ITPR1: variants seen among roughly 807,000 people sequenced by gnomAD.
ITPR1 encodes the protein inositol 1,4,5-trisphosphate receptor type 1, also known as inositol 1,4,5-trisphosphate-gated calcium channel ITPR1.
Under a neutral mutation model 318.4 loss-of-function variants are expected in ITPR1, and 96 were observed. The observed-to-expected ratio is 0.30, with a 90% CI of 0.26 to 0.36. ITPR1 has a LOEUF of 0.36. Ranked by LOEUF, ITPR1 falls within the 10% of genes least tolerant of loss-of-function variation. ITPR1 has a pLI of 1.00. For missense variants in ITPR1, 2,440 were observed against 3,460.2 expected (o/e 0.71, Z 7.40); for synonymous variants, 1,312 against 1,289.9 (o/e 1.02, Z -0.37).
At chr3:4,846,058 A>C (rs1174401513) in intron 61 of ITPR1, 81 bp from the exon 62 acceptor site, 1 of 779,146 alleles carries the variant, frequency 1.3e-6, no homozygotes, top group Admixed American at 2.8e-5. Flanking sequence ...CCATAACCAC[A>C]GAGGTAAATC....
At chr3:4,633,628 T>A (rs928629647) in intron 5 of ITPR1, among the ~76,000 whole-genome samples, 1 of 152,228 alleles carries the variant, frequency 6.6e-6, no homozygotes, top group Non-Finnish European at 1.5e-5. Context: ...CAGGAATAAC[T>A]GGATTTTGAC....
chr3:4,638,662 G>C (rs2093262423), intron 5 of ITPR1, among the ~76,000 whole-genome samples: 2 of 152,312 alleles, frequency 1.3e-5, no homozygotes, highest in Admixed American at 6.5e-5. Context: ...AGTGGAGAAA[G>C]GGTATAACAA....
intron 4 of ITPR1, among the ~76,000 whole-genome samples, chr3:4,597,478 C>T (rs896126511): frequency 2.0e-5 from 3 of 152,162 alleles, no homozygotes; most frequent in African/African-American, 4.8e-5. Context: ...CACAGTAATC[C>T]GAGGCCGTAT....
intron 55 of ITPR1, among the ~76,000 whole-genome samples, chr3:4,807,233 C>T (rs1339272881): frequency 6.6e-6 from 1 of 151,812 alleles, no homozygotes; most frequent in African/African-American, 2.4e-5. Flanking sequence ...GCTTAGAAAA[C>T]CCCCCCGAAG....
Position 4,673,248 on chromosome 3 carries a change from A to G in ITPR1, c.2317A>G (p.Asn773Asp). ...DLILRCMSDE[N>D]LPYDLRASFC... ...CATTCTCCGCTGCATGTCTGACGAG[A>G]ACCTGCCCTATGACCTCAGGGCGTC... The change falls in exon 21 of 62, where the codon AAC (asparagine) becomes GAC (aspartate). Residue 773 changes from asparagine to aspartate, a missense_variant. Coordinates refer to ENST00000649015, the MANE Select transcript of ITPR1 (RefSeq NM_001378452.1). The G allele has an allele frequency of 6.2e-7, 1 of 1,613,946 alleles. No individual in the cohort carries two copies.
In ITPR1 at chr3:4,590,870, C is replaced by A. The variant is rs117786105; in HGVS notation, c.164-36893C>A. Among the ~76,000 whole-genome samples the A allele has an allele frequency of 4.1e-4, 63 of 152,292 alleles. No homozygotes were observed. In the East Asian group the frequency reaches 0.01, roughly 25 times the overall value. On this transcript the variant is annotated intron_variant, in intron 4 of 61. Transcript: ENST00000649015. ...CAATAGTTATCCTTTCTGCCCCTCTCTCTCCTTCCACCCTCCCCCTCCACA... is the reference window on the plus strand; with the variant it reads ...CAATAGTTATCCTTTCTGCCCCTCTATCTCCTTCCACCCTCCCCCTCCACA...
At chr3:4,770,519 A>C (rs1199798557) in intron 46 of ITPR1, among the ~76,000 whole-genome samples, 1 of 152,200 alleles carries the variant, frequency 6.6e-6, no homozygotes, top group Non-Finnish European at 1.5e-5. Context: ...ACTGTCGGCC[A>C]GGCTGGACCC....
At chr3:4,822,500 T>C (rs1185626255) in intron 60 of ITPR1, among the ~76,000 whole-genome samples, 1 of 152,220 alleles carries the variant, frequency 6.6e-6, no homozygotes, top group Non-Finnish European at 1.5e-5. Context: ...AGCGTTCTTT[T>C]CTCTGTTGAA....
chr3:4,782,528 G>C, intron 49 of ITPR1, 91 bp from the exon 50 acceptor site: 1 of 1,348,486 alleles, frequency 7.4e-7, no homozygotes. Flanking sequence ...TTTTCCCTGG[G>C]AGGGGAGACA....
intron 4 of ITPR1, among the ~76,000 whole-genome samples, chr3:4,586,141 C>G (rs994113510): frequency 3.3e-5 from 5 of 152,164 alleles, no homozygotes; most frequent in Admixed American, 2.0e-4. Flanking sequence ...TGTATATGTG[C>G]CACATTTTCT....
chr3:4,743,632 C>T (rs953800807), intron 44 of ITPR1, among the ~76,000 whole-genome samples: 18 of 152,130 alleles, frequency 1.2e-4, no homozygotes, highest in African/African-American at 1.7e-4. Context: ...GGAGACCCAG[C>T]GTGATTTTTC....
intron 44 of ITPR1, among the ~76,000 whole-genome samples, chr3:4,747,811 C>T (rs1025150767): frequency 2.0e-5 from 3 of 152,156 alleles, no homozygotes; most frequent in African/African-American, 4.8e-5. Flanking sequence ...GACAGCAGCT[C>T]ATCTAATTAG....
At chr3:4,541,613 G>C (rs1157906777) in intron 4 of ITPR1, among the ~76,000 whole-genome samples, 1 of 151,168 alleles carries the variant, frequency 6.6e-6, no homozygotes, top group Non-Finnish European at 1.5e-5. Flanking sequence ...ATTCCGAGCT[G>C]TTATCTATTC....
At chr3:4,675,383 C>A in intron 23 of ITPR1, 135 bp downstream of exon 23, 1 of 637,600 alleles carries the variant, frequency 1.6e-6, no homozygotes, top group Non-Finnish European at 2.6e-6. Context: ...TGAACATTTT[C>A]AAATACTGTG....
chr3:4,775,478 G>C (rs754117901), intron 47 of ITPR1, 36 bp downstream of exon 47: 3 of 1,524,730 alleles, frequency 2.0e-6, no homozygotes, highest in East Asian at 4.5e-5. Context: ...GGGAAAAAAA[G>C]TGTCCCATTT....
intron 4 of ITPR1, among the ~76,000 whole-genome samples, chr3:4,570,544 T>C (rs1253863749): frequency 6.6e-6 from 1 of 152,218 alleles, no homozygotes; most frequent in Non-Finnish European, 1.5e-5. Flanking sequence ...GTACAGCAAA[T>C]CATGAATAGG....
At chr3:4,658,683 T>C (rs2093766592) in intron 13 of ITPR1, among the ~76,000 whole-genome samples, 1 of 151,928 alleles carries the variant, frequency 6.6e-6, no homozygotes, top group South Asian at 2.1e-4. Flanking sequence ...ATACCTGAAG[T>C]TCACTGTTTG....
Position 4,710,489 on chromosome 3 carries a change from C to A in ITPR1, c.4991+16C>A. On this transcript the variant is annotated intron_variant, in intron 38 of 61. Coordinates refer to ENST00000649015, the MANE Select transcript of ITPR1 (RefSeq NM_001378452.1). This position sits in a 1 kb window ranked among gnomAD's most constrained non-coding sequence, Gnocchi z 4.2. Reference sequence around the variant, plus strand: ...TCATTTGCAAGTAAGCGGCCTCTCTCTCTGGGGTGTTCATTTGCCAGAACC... The same window carrying A: ...TCATTTGCAAGTAAGCGGCCTCTCTATCTGGGGTGTTCATTTGCCAGAACC... 6.4e-7 allele frequency: 1 copy of A among 1,550,880 alleles called. No homozygotes were observed.
chr3:4,724,819 G>A (rs1418762211), intron 40 of ITPR1, among the ~76,000 whole-genome samples: 1 of 152,130 alleles, frequency 6.6e-6, no homozygotes, highest in Non-Finnish European at 1.5e-5. Context: ...CCATGGGCTG[G>A]AAATTATTAA....
Sources: allele counts gnomAD v4.1 joint callset (sites outside exome capture counted in the v4.1 genomes callset), GRCh38; gene constraint gnomAD v4.1.1; non-coding constraint Gnocchi (gnomAD v3.1); transcripts MANE v1.5; gene names NCBI Gene and HGNC (gene_info 2026-07-23, HGNC 2026-07-21).